PLCL1: variants seen among roughly 807,000 people sequenced by gnomAD.
PLCL1 encodes phospholipase C like 1 (inactive), also known as inactive phospholipase C-like protein 1.
A neutral mutation model predicts 84.4 loss-of-function variants in PLCL1; 41 were observed. The ratio of observed to expected loss-of-function variants is 0.49; its 90% CI spans 0.38 to 0.63. The LOEUF is 0.63. Among genes scored for constraint, PLCL1 ranks in the 30% least tolerant of loss-of-function variants. The probability of loss-of-function intolerance (pLI) is 0.00; values close to 1 mark genes in which losing one functional copy is unlikely to be tolerated. For missense variants in PLCL1, 1,206 were observed against 1,367.8 expected (o/e 0.88, Z 1.87); for synonymous variants, 490 against 488.3 (o/e 1.00, Z -0.05).
At chr2:197,879,536 ATTATGGTATATGTAGAC>A (rs1687791740) in intron 1 of PLCL1, among the ~76,000 whole-genome samples, 2 of 152,158 alleles carry the variant, frequency 1.3e-5, no homozygotes, top group Admixed American at 1.3e-4. Context: ...TTAAAAAGGC[ATTATGGTATATGTAGAC>A]TTCTAGGATG....
At chr2:197,814,169 A>T (rs1158414165) in intron 1 of PLCL1, among the ~76,000 whole-genome samples, 1 of 152,070 alleles carries the variant, frequency 6.6e-6, no homozygotes, top group East Asian at 1.9e-4. Context: ...CAGATATTGC[A>T]TTTTTTTAAA....
At chr2:198,133,558 TA>T (rs149723711) in intron 5 of PLCL1, among the ~76,000 whole-genome samples, 19,786 of 130,142 alleles carry the variant, frequency 0.15, 1,197 homozygotes, top group Middle Eastern at 0.22. Flanking sequence ...AAAAGAAATC[TA>T]AAAAAAAAAA....
At chr2:198,140,705 C>G (rs1694365498) in intron 5 of PLCL1, among the ~76,000 whole-genome samples, 1 of 152,114 alleles carries the variant, frequency 6.6e-6, no homozygotes, top group Non-Finnish European at 1.5e-5. Context: ...AACATGTCAT[C>G]TGCTGCATTT....
intron 1 of PLCL1, among the ~76,000 whole-genome samples, chr2:198,077,638 A>T (rs1018777161): frequency 6.6e-6 from 1 of 152,174 alleles, no homozygotes; most frequent in African/African-American, 2.4e-5. Flanking sequence ...GGTTCTATTT[A>T]TCCCTTTACG....
intron 5 of PLCL1, among the ~76,000 whole-genome samples, chr2:198,128,464 T>C (rs1222060204): frequency 6.6e-6 from 1 of 152,098 alleles, no homozygotes; most frequent in Non-Finnish European, 1.5e-5. Context: ...GGACTGCTGA[T>C]TGGCTGGGTC....
chr2:198,048,259 T>C (rs1053332602), intron 1 of PLCL1, among the ~76,000 whole-genome samples: 1 of 152,170 alleles, frequency 6.6e-6, no homozygotes, highest in African/African-American at 2.4e-5. Context: ...TTCTAGATGA[T>C]GGGAAGTTCA....
At chr2:198,019,881 C>T (rs1243746862) in intron 1 of PLCL1, among the ~76,000 whole-genome samples, 1 of 152,152 alleles carries the variant, frequency 6.6e-6, no homozygotes, top group Non-Finnish European at 1.5e-5. Flanking sequence ...TCAGGAAATA[C>T]AGAAAACACC....
At chr2:197,919,250 T>C (rs1410852513) in intron 1 of PLCL1, among the ~76,000 whole-genome samples, 3 of 152,108 alleles carry the variant, frequency 2.0e-5, no homozygotes, top group African/African-American at 7.2e-5. Flanking sequence ...AGACAAGAAT[T>C]GTTTTGTATT....
intron 1 of PLCL1, among the ~76,000 whole-genome samples, chr2:197,888,183 A>AT (rs539081323): frequency 5.5e-4 from 83 of 151,916 alleles, no homozygotes; most frequent in Middle Eastern, 3.4e-3. Context: ...ATTAGCAATA[A>AT]TTTTTTTTGT....
intron 1 of PLCL1, among the ~76,000 whole-genome samples, chr2:197,833,851 T>C (rs766958298): frequency 6.6e-6 from 1 of 152,218 alleles, no homozygotes; most frequent in Non-Finnish European, 1.5e-5. Context: ...AGAGCTGGTA[T>C]AGCCAAGACA....
At chr2:197,912,806 TGG>T (rs1559043148) in intron 1 of PLCL1, among the ~76,000 whole-genome samples, 7 of 14,014 alleles carry the variant, frequency 5.0e-4, no homozygotes, top group Non-Finnish European at 8.4e-4. Flanking sequence ...GGGTGGGGGG[TGG>T]GGGGAGGGGG....
chr2:197,885,080 G>T (rs1207635180), intron 1 of PLCL1, among the ~76,000 whole-genome samples: 1 of 152,106 alleles, frequency 6.6e-6, no homozygotes, highest in Non-Finnish European at 1.5e-5. Flanking sequence ...TTCCTGTCCC[G>T]CGAATGTACC....
intron 3 of PLCL1, among the ~76,000 whole-genome samples, chr2:198,092,888 A>G (rs1017901894): frequency 2.6e-4 from 40 of 152,254 alleles, no homozygotes; most frequent in African/African-American, 9.4e-4. Flanking sequence ...GGCACATAGC[A>G]CGTTATCAGG....
At chr2:197,822,576 C>A (rs1381729921) in intron 1 of PLCL1, among the ~76,000 whole-genome samples, 3 of 152,170 alleles carry the variant, frequency 2.0e-5, no homozygotes, top group Non-Finnish European at 2.9e-5. Context: ...TTAACTCTTA[C>A]CAATTCTTAC....
intron 1 of PLCL1, among the ~76,000 whole-genome samples, chr2:198,081,986 C>T (rs982110243): frequency 2.6e-5 from 4 of 152,002 alleles, no homozygotes; most frequent in Non-Finnish European, 4.4e-5. Context: ...AATTTATCAC[C>T]GAAGATTTGT....
At chr2:198,002,373 G>T (rs1690622275) in intron 1 of PLCL1, among the ~76,000 whole-genome samples, 1 of 151,946 alleles carries the variant, frequency 6.6e-6, no homozygotes, top group Admixed American at 6.6e-5. Flanking sequence ...GGTAGGATGG[G>T]TATACAAAGG....
intron 1 of PLCL1, among the ~76,000 whole-genome samples, chr2:197,935,107 G>A (rs1689024119): frequency 6.6e-6 from 1 of 152,074 alleles, no homozygotes. Flanking sequence ...CAGACAGAAT[G>A]GCTGTTATGA....
chr2:197,905,537 A>G (rs1373229025), intron 1 of PLCL1, among the ~76,000 whole-genome samples: 2 of 152,224 alleles, frequency 1.3e-5, no homozygotes, highest in Admixed American at 1.3e-4. Flanking sequence ...TGCTATTGTA[A>G]ATAGTGCTGC....
At chr2:197,833,009 C>T (rs1012452452) in intron 1 of PLCL1, among the ~76,000 whole-genome samples, 1 of 152,168 alleles carries the variant, frequency 6.6e-6, no homozygotes, top group Non-Finnish European at 1.5e-5. Flanking sequence ...GCCGGCAGAT[C>T]ATGAGGTCAG....
Sources: gnomAD v4.1 joint callset for allele counts (sites outside exome capture counted in the v4.1 genomes callset) on GRCh38, gnomAD v4.1.1 for gene constraint, MANE v1.5 for transcripts, NCBI Gene and HGNC (gene_info 2026-07-23, HGNC 2026-07-21) for gene names.